Variants in DIXDC1 observed in about 807,000 individuals in gnomAD.
DIXDC1 encodes the protein dixin.
In DIXDC1, 64 loss-of-function variants were observed where a neutral mutation model predicts 103.1. The ratio of observed to expected loss-of-function variants is 0.62; its 90% confidence interval spans 0.51 to 0.76. DIXDC1 has a LOEUF of 0.76. DIXDC1 is among the 30% of genes least tolerant of loss of function. The probability of loss-of-function intolerance (pLI) is 0.00; values close to 1 mark genes in which losing one functional copy is unlikely to be tolerated. For missense variants in DIXDC1, 759 were observed against 834.2 expected (o/e 0.91, Z 1.11); for synonymous variants, 266 against 298.5 (o/e 0.89, Z 1.12).
At chr11:111,957,225 T>A (rs1555170663) in intron 1 of DIXDC1, among the ~76,000 whole-genome samples, 1 of 152,048 alleles carries the variant, frequency 6.6e-6, no homozygotes, top group East Asian at 1.9e-4. Flanking sequence ...TTCCTCACAG[T>A]TGGAATTACA....
intron 5 of DIXDC1, among the ~76,000 whole-genome samples, chr11:111,979,449 G>A (rs920189953): frequency 6.6e-6 from 1 of 152,196 alleles, no homozygotes; most frequent in Admixed American, 6.5e-5. Context: ...CTGAGAGGGG[G>A]CTGGGCCCGG....
intron 5 of DIXDC1, 143 bp from the exon 6 acceptor site, chr11:111,980,594 T>C: frequency 3.5e-6 from 2 of 570,862 alleles, no homozygotes; most frequent in Non-Finnish European, 3.1e-6. Context: ...AATATTTTAT[T>C]TTCTGTGGGC....
At position 111,964,648 on chromosome 11, in the gene DIXDC1, G is replaced by T; in HGVS notation, c.160G>T (p.Val54Leu). Residue 54 changes from valine to leucine, a missense_variant, in exon 2 of 20, where the codon GTG (valine) becomes TTG (leucine). Physicochemically the swap from Val to Leu is conservative, Grantham distance 32. Around this residue, in one of 3 missense-constraint regions of DIXDC1, gnomAD observed 97 missense variants for 85.4 expected, o/e 1.14. Coordinates refer to ENST00000440460, the MANE Select transcript of DIXDC1 (RefSeq NM_001037954.4). The part of the protein sequence containing the change: ...QDLRQDLRDG[V>L]ILAYLIEIVA... ...CCTGCGACAAGATCTCCGGGATGGG[G>T]TGATCCTGGCATATCTCATCGAGAT... 6.2e-7 allele frequency: 1 copy of T among 1,612,180 alleles called. No homozygotes were observed. The highest frequency in any genetic ancestry group is 8.5e-7 in the Non-Finnish European group (1 of 1,179,238).
At chr11:111,932,606 A>AAAATCAT (rs2137423812), upstream of DIXDC1, among the ~76,000 whole-genome samples, 1 of 151,914 alleles carries the variant, frequency 6.6e-6, no homozygotes, top group South Asian at 2.1e-4. Flanking sequence ...AAAAAAAGAA[A>AAAATCAT]AAATCATGTA....
intron 3 of DIXDC1, among the ~76,000 whole-genome samples, chr11:111,968,901 A>G (rs1447165454): frequency 5.3e-5 from 8 of 152,010 alleles, no homozygotes; most frequent in African/African-American, 9.6e-5. Context: ...CAGCCTCCCA[A>G]GTAGCTGGGA....
intron 1 of DIXDC1, among the ~76,000 whole-genome samples, chr11:111,929,548 A>G (rs1555167445): frequency 6.9e-6 from 1 of 145,860 alleles, no homozygotes; most frequent in Admixed American, 7.2e-5. Context: ...GTGCCAGTGC[A>G]CTCCAGCCTG....
In DIXDC1 at chr11:111,974,181, G is replaced by GCAACA. The variant is rs754958218; in HGVS notation, c.477_478insACACA (p.Ala160ThrfsTer44). 96 of 1,613,914 alleles carry GCAACA rather than the reference G, an allele frequency of 5.9e-5. No homozygotes were observed. The highest frequency in any genetic ancestry group is 7.3e-5 in the Non-Finnish European group (86 of 1,179,890). On this transcript the variant is annotated frameshift_variant, in exon 4 of 20. Coordinates refer to ENST00000440460, the MANE Select transcript of DIXDC1 (RefSeq NM_001037954.4). LOFTEE classifies it high-confidence loss of function. ...CTGTGCCACTGCTGTTGCCCAGGGA[G>GCAACA]CAGCTGCTGCTCTGGCCGATGTGTG...
chr11:111,977,578 A>C lies in DIXDC1; in HGVS notation c.656+2595A>C. 6.7e-7 allele frequency: 1 copy of C among 1,498,514 alleles called. No individual in the cohort carries two copies. The highest frequency in any genetic ancestry group is 8.9e-7 in the Non-Finnish European group (1 of 1,122,816). 92.8% of individuals were successfully genotyped at this position (1,498,514 alleles called of 1,614,324 possible). A position where few individuals can be genotyped will look rare whatever the true frequency, so the allele number is the denominator to read the frequency against. On this transcript the variant is annotated intron_variant, in intron 5 of 19. Coordinates refer to ENST00000440460, the MANE Select transcript of DIXDC1 (RefSeq NM_001037954.4). The surrounding 1 kb of genome is among the most constrained non-coding windows in gnomAD (Gnocchi z 6.1). ...TGGAGCATCCCAGTCGCTGGGGCCGAGACGCCGCCGCCGCCGCCGTTCCCG... is the reference window on the plus strand; with the variant it reads ...TGGAGCATCCCAGTCGCTGGGGCCGCGACGCCGCCGCCGCCGCCGTTCCCG...
intron 11 of DIXDC1, among the ~76,000 whole-genome samples, 197 bp downstream of exon 11, chr11:111,992,716 A>G (rs1218855074): frequency 7.2e-5 from 11 of 152,226 alleles, no homozygotes; most frequent in African/African-American, 2.7e-4. Flanking sequence ...ACTGGGCAGG[A>G]AGGTCCTTGA....
At position 111,977,276 on chromosome 11, in the gene DIXDC1, C is replaced by T. The variant is rs1411271820; in HGVS notation, c.656+2293C>T. On this transcript the variant is annotated intron_variant, in intron 5 of 19. Transcript: ENST00000440460. This position sits in a 1 kb window ranked among gnomAD's most constrained non-coding sequence, Gnocchi z 6.1. Reference sequence around the variant, plus strand: ...CGGCTGCCTCGCCGCGTGTGACAGCCCAGGGAGGGAGCAGAGGGTGGGGCG... The same window carrying T: ...CGGCTGCCTCGCCGCGTGTGACAGCTCAGGGAGGGAGCAGAGGGTGGGGCG... The T allele has an allele frequency of 2.0e-6, 2 of 1,020,800 alleles. No individual in the cohort carries two copies. The highest frequency in any genetic ancestry group is 2.3e-6 in the Non-Finnish European group (2 of 853,004). 63.2% of individuals were successfully genotyped at this position (1,020,800 alleles called of 1,614,324 possible). A position where few individuals can be genotyped will look rare whatever the true frequency, so the allele number is the denominator to read the frequency against.
At position 111,980,822 on chromosome 11, in the gene DIXDC1, C is replaced by T. The variant is rs1295832298; in HGVS notation, c.742C>T (p.Pro248Ser). 6.2e-7 allele frequency: 1 copy of T among 1,613,906 alleles called. No homozygotes were observed. Among genetic ancestry groups the T allele is most frequent in the Non-Finnish European group, 8.5e-7 (1 of 1,179,838 alleles). The stretch of plus-strand genomic sequence containing the variant: ...AGAGAAGGCAGATTTTGTGATTATT[C>T]CCGCTGAAGGAATAGAGAACAGAAC... The part of the protein sequence containing the change: ...SEEKADFVII[P>S]AEGIENRTEG... Residue 248 changes from proline (P) to serine (S), a missense_variant, in exon 6 of 20, where the codon CCC becomes TCC. Physicochemically the swap from Pro to Ser is moderately conservative, Grantham distance 74 (BLOSUM62 -1). Transcript: ENST00000440460.
At chr11:112,016,621 C>G (rs2137647305) in intron 17 of DIXDC1, 70 bp from the exon 18 acceptor site, 1 of 1,355,060 alleles carries the variant, frequency 7.4e-7, no homozygotes, top group South Asian at 1.4e-5. Flanking sequence ...TCCCGGGACA[C>G]TTTGAATAAC....
chr11:112,008,933 A>G (rs1861324156), intron 17 of DIXDC1, among the ~76,000 whole-genome samples: 1 of 152,182 alleles, frequency 6.6e-6, no homozygotes, highest in Non-Finnish European at 1.5e-5. Flanking sequence ...AAACGCTAGC[A>G]AAAGGCAAGA....
At chr11:111,937,090 T>G (rs1966216611), upstream of DIXDC1, 10 of 333,788 alleles carry the variant, frequency 3.0e-5, no homozygotes, top group South Asian at 1.2e-4. Flanking sequence ...TGAGTGTGTG[T>G]GTGTGTAGCG....
upstream of DIXDC1, among the ~76,000 whole-genome samples, chr11:111,935,711 A>G (rs587751561): frequency 1.5e-4 from 23 of 152,358 alleles, no homozygotes; most frequent in South Asian, 1.2e-3. Flanking sequence ...TGGTAGTGTC[A>G]AAGGGAGTTC....
chr11:111,929,700 A>G, intron 1 of DIXDC1: 2 of 580,640 alleles, frequency 3.4e-6, no homozygotes, highest in Admixed American at 3.3e-5. Flanking sequence ...TGATACTTCA[A>G]GATGACTTAA....
At chr11:112,015,530 A>G (rs1861557603) in intron 17 of DIXDC1, 1 of 152,270 alleles carries the variant, frequency 6.6e-6, no homozygotes, top group South Asian at 2.1e-4. Context: ...GTCCAGGTGC[A>G]GTGGCCCATG....
rs1555177911 is a variant in DIXDC1 at position 112,017,742 on chromosome 11, A to G, written c.1863-35A>G. 6.5e-7 allele frequency: 1 copy of G among 1,537,914 alleles called. No homozygotes were observed. Among genetic ancestry groups the G allele is most frequent in the Non-Finnish European group, 8.9e-7 (1 of 1,123,130 alleles). ...ATCTTATCTTTCCAGCTATTGATCA[A>G]CAGTCTATTTTAGTGCTCTCTCCTT... On this transcript the variant is annotated intron_variant, in intron 18 of 19. Transcript: ENST00000440460. The surrounding 1 kb of genome is among the most constrained non-coding windows in gnomAD (Gnocchi z 4.0).
At chr11:111,951,405 C>A (rs1487461579) in intron 1 of DIXDC1, among the ~76,000 whole-genome samples, 17 of 151,936 alleles carry the variant, frequency 1.1e-4, no homozygotes, top group Admixed American at 9.8e-4. Flanking sequence ...AATATGTACA[C>A]CTACTGTATA....
Sources: gnomAD v4.1 joint callset for allele counts (sites outside exome capture counted in the v4.1 genomes callset) on GRCh38, gnomAD v4.1.1 for gene constraint, gnomAD v4.1.1 regional missense constraint, Gnocchi (gnomAD v3.1) non-coding constraint, MANE v1.5 for transcripts, NCBI Gene and HGNC (gene_info 2026-07-23, HGNC 2026-07-21) for gene names.